The following CEP95 variants were observed in gnomAD, a reference collection of about 807,000 sequenced individuals.
CEP95 encodes centrosomal protein 95.
Under a neutral mutation model 111.2 loss-of-function variants are expected in CEP95, and 98 were observed. The observed-to-expected ratio is 0.88, with a 90% CI of 0.75 to 1.04. The LOEUF (loss-of-function observed/expected upper bound fraction) is 1.04, where lower values mean the gene tolerates loss of function less well. Among genes scored for constraint, CEP95 ranks in the 50% least tolerant of loss-of-function variants. CEP95 has a pLI of 0.00. For missense variants in CEP95, 1,027 were observed against 977.2 expected, an observed-to-expected ratio of 1.05 and a Z score of -0.68; for synonymous variants, 323 against 327.1, an observed-to-expected ratio of 0.99 and a Z score of 0.14.
At chr17:64,520,982 G>A (rs1286498713) in intron 6 of CEP95, among the ~76,000 whole-genome samples, 3 of 152,086 alleles carry the variant, frequency 2.0e-5, no homozygotes, top group Non-Finnish European at 4.4e-5. Context: ...AGTGGCTCAC[G>A]CCTGTAATCC....
chr17:64,521,948 C>T (rs1189400534), intron 7 of CEP95, among the ~76,000 whole-genome samples: 1 of 152,212 alleles, frequency 6.6e-6, no homozygotes, highest in Non-Finnish European at 1.5e-5. Flanking sequence ...CCTCCGCCTC[C>T]TGGGTTCAAG....
chr17:64,514,291 C>T lies in CEP95; in HGVS notation c.300C>T (p.Leu100=), dbSNP rs1555675865. Residue 100 remains leucine, a synonymous_variant, in exon 4 of 20, where the codon CTC becomes CTT. Coordinates refer to ENST00000556440, the MANE Select transcript of CEP95 (RefSeq NM_138363.3). ...VKGDKESIKN[L]LEIFDGLLEY... ...GAGATAAAGAATCTATTAAGAATCT[C>T]CTGGAAATATTTGATGGTTTGTTGG... The T allele has an allele frequency of 2.0e-6, 3 of 1,501,516 alleles. No individual in the cohort carries two copies. Among genetic ancestry groups the T allele is most frequent in the Non-Finnish European group, 2.7e-6 (3 of 1,102,404 alleles). 93.0% of individuals were successfully genotyped at this position (1,501,516 alleles called of 1,614,324 possible).
intron 4 of CEP95, among the ~76,000 whole-genome samples, chr17:64,515,401 G>A (rs1555676117): frequency 6.6e-6 from 1 of 152,222 alleles, no homozygotes; most frequent in African/African-American, 2.4e-5. Context: ...TTAAGAGGTA[G>A]AAAACAACCT....
intron 7 of CEP95, 32 bp downstream of exon 7, chr17:64,521,559 C>T (rs782307134): frequency 1.9e-6 from 3 of 1,594,000 alleles, no homozygotes; most frequent in African/African-American, 2.7e-5. Context: ...TTCTTTACTG[C>T]TGATGATCAT....
chr17:64,529,596 A>C (rs1968119063), intron 12 of CEP95, among the ~76,000 whole-genome samples, 169 bp downstream of exon 12: 1 of 152,212 alleles, frequency 6.6e-6, no homozygotes, highest in South Asian at 2.1e-4. Context: ...TGTTAGCATA[A>C]AATTATACTC....
At chr17:64,525,928 A>C in intron 9 of CEP95, 46 bp downstream of exon 9, 2 of 1,492,538 alleles carry the variant, frequency 1.3e-6, no homozygotes, top group Non-Finnish European at 1.8e-6. Context: ...TTTACAAAGG[A>C]ATTTGAAAAT....
chr17:64,508,971 C>A (rs1472269370), intron 2 of CEP95, among the ~76,000 whole-genome samples: 8 of 151,974 alleles, frequency 5.3e-5, no homozygotes, highest in Non-Finnish European at 4.4e-5. Context: ...GGAACCCACT[C>A]ATAATAACGG....
intron 11 of CEP95, among the ~76,000 whole-genome samples, chr17:64,527,592 C>G (rs1025682269): frequency 2.6e-5 from 4 of 152,062 alleles, no homozygotes; most frequent in African/African-American, 9.7e-5. Flanking sequence ...TTTAAGAGCT[C>G]ATGCATTACT....
In CEP95 at chr17:64,530,986, C is replaced by T. The variant is rs1555680155; in HGVS notation, c.1507C>T (p.Pro503Ser). Residue 503 changes from proline (P) to serine (S), a missense_variant, in exon 13 of 20, where the codon CCT becomes TCT. Physicochemically the swap from Pro to Ser is moderately conservative, Grantham distance 74. Coordinates refer to ENST00000556440, the MANE Select transcript of CEP95 (RefSeq NM_138363.3). ...ACATAAAGTTCAAGAGAATATTGGACCTCTAAGAATACATGAGAAGGAGGA... is the reference window on the plus strand; with the variant it reads ...ACATAAAGTTCAAGAGAATATTGGATCTCTAAGAATACATGAGAAGGAGGA... ...RRHKVQENIGPLRIHEKEEET... is the reference protein window; with the variant it reads ...RRHKVQENIGSLRIHEKEEET... 9 of 1,556,780 alleles carry T rather than the reference C, an allele frequency of 5.8e-6. No individual in the cohort carries two copies. Among genetic ancestry groups the T allele is most frequent in the Middle Eastern group, 1.7e-4 (1 of 5,992 alleles).
At chr17:64,537,297 G>A in intron 19 of CEP95, 185 bp downstream of exon 19, 1 of 1,401,866 alleles carries the variant, frequency 7.1e-7, no homozygotes, top group South Asian at 1.7e-5. Flanking sequence ...ATTTAATGAT[G>A]CATTTCTTGG....
chr17:64,508,355 ATAGTTTTGAC>A, intron 1 of CEP95: 5 of 985,216 alleles, frequency 5.1e-6, no homozygotes, highest in Non-Finnish European at 6.0e-6. Flanking sequence ...AATTTGCAGT[ATAGTTTTGAC>A]TATGTAGAAA....
intron 3 of CEP95, among the ~76,000 whole-genome samples, chr17:64,513,471 T>C (rs2038990578): frequency 6.6e-6 from 1 of 152,196 alleles, no homozygotes; most frequent in South Asian, 2.1e-4. Flanking sequence ...ACCTAATCAT[T>C]TATATTAAAA....
rs782131231 is a variant in CEP95, at chr17:64,532,857, G to A, written c.1691G>A (p.Ser564Asn). ...KAVPMKVSEH[S>N]LLPLMLEQFP... The stretch of plus-strand genomic sequence containing the variant: ...CTTGCAGTGAAAGTAAGTGAACACA[G>A]TCTCCTGCCCCTTATGCTGGAGCAG... The change falls in exon 15 of 20, where the codon AGT becomes AAT. Residue 564 changes from serine to asparagine, a missense_variant. Transcript: ENST00000556440. 1.9e-6 allele frequency: 3 copies of A among 1,609,480 alleles called. No homozygotes were observed. The highest frequency in any genetic ancestry group is 2.5e-6 in the Non-Finnish European group (3 of 1,178,782).
intron 5 of CEP95, 68 bp from the exon 6 acceptor site, chr17:64,519,253 C>G: frequency 2.0e-6 from 2 of 978,028 alleles, no homozygotes; most frequent in Non-Finnish European, 3.2e-6. Context: ...CCCAGCAGCT[C>G]TCCAGGTCCT....
In CEP95 at chr17:64,516,710, C is replaced by T; in HGVS notation, c.368-13C>T. The T allele has an allele frequency of 6.5e-7, 1 of 1,527,672 alleles. No homozygotes were observed. Among genetic ancestry groups the T allele is most frequent in the Middle Eastern group, 1.7e-4 (1 of 5,876 alleles). The allele number at this position is 1,527,672 out of a possible 1,614,324, so 94.6% of individuals were successfully genotyped here. A position where few individuals can be genotyped will look rare whatever the true frequency, so the allele number is the denominator to read the frequency against. On this transcript the variant is annotated splice_polypyrimidine_tract_variant and intron_variant, in intron 4 of 19. Transcript: ENST00000556440. ...AGGGGTTTTTTGGTATTGTTTTTAT[C>T]TGTTCTGAACAGGTGAAACTGAACA...
At chr17:64,508,432 C>T (rs2038699671) in intron 1 of CEP95, 160 bp from the exon 2 acceptor site, 2 of 984,410 alleles carry the variant, frequency 2.0e-6, no homozygotes, top group Non-Finnish European at 1.2e-6. Context: ...AAAAACCATG[C>T]CTAAAGGGTC....
Position 64,536,888 on chromosome 17 carries a change from G to C in CEP95, c.2217+140G>C, listed in dbSNP as rs138563061. The C allele has an allele frequency of 7.5e-5, 90 of 1,196,728 alleles. No homozygotes were observed. In the East Asian group the frequency reaches 2.2e-3, roughly 29 times the overall value. The allele number at this position is 1,196,728 out of a possible 1,614,324, so 74.1% of individuals were successfully genotyped here. A position where few individuals can be genotyped will look rare whatever the true frequency, so the allele number is the denominator to read the frequency against. On this transcript the variant is annotated intron_variant, in intron 18 of 19. Coordinates refer to ENST00000556440, the MANE Select transcript of CEP95 (RefSeq NM_138363.3). ...TACAGATTAGAGGACCCCATTTCAA[G>C]ATTGAAATTTAAGATCAAATAATAC... is the stretch of plus-strand genomic sequence containing the variant.
rs868966613 is a variant in CEP95 at position 64,518,326 on chromosome 17, C to T, written c.474-995C>T. On this transcript the variant is annotated intron_variant, in intron 5 of 19. Transcript: ENST00000556440. ...GATACTTAATGTTTATTCTTTTTTT[C>T]CTCATATCTTGAGGCTAGATTCAGA... 3.3e-5 allele frequency among the ~76,000 whole-genome samples: 5 copies of T among 151,768 alleles called. 1 individual carries two copies. The highest frequency in any genetic ancestry group is 2.6e-4 in the Admixed American group (4 of 15,270).
At position 64,537,018 on chromosome 17, in the gene CEP95, GTTT is replaced by G; in HGVS notation, c.2218-17_2218-15del. ...ACTACAAACATTAAATATAATATTT[GTTT>G]TTTTTCTTCCTATAAACAGTTTTCA... is the stretch of plus-strand genomic sequence containing the variant. On this transcript the variant is annotated intron_variant, in intron 18 of 19. Transcript: ENST00000556440. 1 of 1,579,690 alleles carries G rather than the reference GTTT, an allele frequency of 6.3e-7. No individual in the cohort carries two copies. Among genetic ancestry groups the G allele is most frequent in the Non-Finnish European group, 8.6e-7 (1 of 1,160,726 alleles).
Sources: gnomAD v4.1 joint callset for allele counts (sites outside exome capture counted in the v4.1 genomes callset) on GRCh38, gnomAD v4.1.1 for gene constraint, MANE v1.5 for transcripts, NCBI Gene and HGNC (gene_info 2026-07-23, HGNC 2026-07-21) for gene names.